Variants in PSMA4 observed in about 807,000 individuals in gnomAD.
The protein encoded by PSMA4 is proteasome subunit alpha type-4.
Under a neutral mutation model 37.2 loss-of-function variants are expected in PSMA4, and 8 were observed. That is an observed-to-expected ratio of 0.22 (90% CI 0.13 to 0.39). The LOEUF (loss-of-function observed/expected upper bound fraction) is 0.39. PSMA4 is among the 10% of genes least tolerant of loss of function. The pLI, the probability that PSMA4 is intolerant of heterozygous loss-of-function variation, is 1.00. For missense variants in PSMA4, 169 were observed against 305.1 expected, an observed-to-expected ratio of 0.55 and a Z score of 3.32; for synonymous variants, 93 against 98.8, an observed-to-expected ratio of 0.94 and a Z score of 0.35.
At chr15:78,545,025 GGTA>G (rs1245410258) in intron 6 of PSMA4, 68 bp downstream of exon 6, 1 of 1,134,148 alleles carries the variant, frequency 8.8e-7, no homozygotes, top group African/African-American at 1.6e-5. Context: ...ACCCTTTTGA[GGTA>G]GTAAAAAATT....
intron 4 of PSMA4, among the ~76,000 whole-genome samples, chr15:78,542,925 G>A (rs907427066): frequency 1.3e-5 from 2 of 152,204 alleles, no homozygotes; most frequent in African/African-American, 4.8e-5. Context: ...CAGGCTATGT[G>A]ACCTTGCACC....
chr15:78,548,976 C>A lies in PSMA4; in HGVS notation c.*32C>A. On this transcript the variant is annotated 3_prime_UTR_variant, in exon 9 of 9. Transcript: ENST00000044462. ...AGATTTTATTACTCATTTGGGGCAC[C>A]ATTTCAGTGTAAAAGCAGTCCTACT... The A allele has an allele frequency of 1.3e-6, 2 of 1,586,822 alleles. No individual in the cohort carries two copies. The highest frequency in any genetic ancestry group is 1.7e-6 in the Non-Finnish European group (2 of 1,169,676).
chr15:78,545,906 G>T (rs1433877770), intron 7 of PSMA4, 142 bp downstream of exon 7: 2 of 935,002 alleles, frequency 2.1e-6, no homozygotes, highest in Non-Finnish European at 3.2e-6. Flanking sequence ...ATTTCTGTTG[G>T]TGACAGCATT....
intron 4 of PSMA4, among the ~76,000 whole-genome samples, chr15:78,543,408 G>A (rs1325457062): frequency 6.6e-6 from 1 of 151,860 alleles, no homozygotes; most frequent in African/African-American, 2.4e-5. Context: ...CAGCCCTCAG[G>A]AAGTGGGCCC....
At position 78,551,313 on chromosome 15, in the gene PSMA4, A is replaced by G. The variant is rs1038743500; in HGVS notation, c.*2369A>G. Reference sequence around the variant, plus strand: ...GTATTCTGGCCTTGTGCTACCTTCCATGTGCTTCCTTCCTCACTCATTCAT... The same window carrying G: ...GTATTCTGGCCTTGTGCTACCTTCCGTGTGCTTCCTTCCTCACTCATTCAT... On this transcript the variant is annotated 3_prime_UTR_variant, in exon 9 of 9. Coordinates refer to ENST00000044462, the MANE Select transcript of PSMA4 (RefSeq NM_002789.6). 1 of 151,956 alleles carries G rather than the reference A, an allele frequency of 6.6e-6. No homozygotes were observed. The highest frequency in any genetic ancestry group is 2.4e-5 in the African/African-American group (1 of 41,340). 9.4% of individuals were successfully genotyped at this position (151,956 alleles called of 1,614,324 possible). A position where few individuals can be genotyped will look rare whatever the true frequency, so the allele number is the denominator to read the frequency against.
intron 2 of PSMA4, 37 bp from the exon 3 acceptor site, chr15:78,542,140 A>G: frequency 6.2e-7 from 1 of 1,602,600 alleles, no homozygotes; most frequent in Non-Finnish European, 8.5e-7. Context: ...GCCTACTTTC[A>G]GTGGGTAGGA....
rs1363511554 is a variant in PSMA4, at chr15:78,549,168, T to C, written c.*224T>C. Reference sequence around the variant, plus strand: ...ATCTTCCACACACATCCCCTTTTTTTGGAATAAAATTTGGAAAATGGAAAT... The same window carrying C: ...ATCTTCCACACACATCCCCTTTTTTCGGAATAAAATTTGGAAAATGGAAAT... On this transcript the variant is annotated 3_prime_UTR_variant, in exon 9 of 9. Coordinates refer to ENST00000044462, the MANE Select transcript of PSMA4 (RefSeq NM_002789.6). 6.9e-6 allele frequency: 4 copies of C among 575,726 alleles called. No individual in the cohort carries two copies. The African/African-American group carries it at 7.8e-5, about 11-fold the overall frequency. The allele number at this position is 575,726 out of a possible 1,614,324, so 35.7% of individuals were successfully genotyped here.
At chr15:78,545,575 A>G in intron 6 of PSMA4, 59 bp from the exon 7 acceptor site, 1 of 1,567,728 alleles carries the variant, frequency 6.4e-7, no homozygotes, top group East Asian at 2.2e-5. Context: ...GAGCTCAAGT[A>G]ACTGTAGTGA....
chr15:78,544,476 T>A, intron 5 of PSMA4: 1 of 496,602 alleles, frequency 2.0e-6, no homozygotes, highest in Non-Finnish European at 3.6e-6. Context: ...AATTTTTGTA[T>A]TTTTAGTAGA....
chr15:78,548,672 A>G, intron 8 of PSMA4, 118 bp from the exon 9 acceptor site: 1 of 1,331,808 alleles, frequency 7.5e-7, no homozygotes, highest in Non-Finnish European at 1.0e-6. Flanking sequence ...AACATAGGAG[A>G]GTGCTGAACT....
chr15:78,542,171 T>C lies in PSMA4; in HGVS notation c.4-6T>C. ...TAGGAATCACTCATGTGTTTTTCCT[T>C]TGCAGTCTCGAAGATATGACTCCAG... is the stretch of plus-strand genomic sequence containing the variant. On this transcript the variant is annotated splice_region_variant and splice_polypyrimidine_tract_variant and intron_variant, in intron 2 of 8. Coordinates refer to ENST00000044462, the MANE Select transcript of PSMA4 (RefSeq NM_002789.6). The C allele has an allele frequency of 6.2e-7, 1 of 1,612,220 alleles. No individual in the cohort carries two copies. Among genetic ancestry groups the C allele is most frequent in the South Asian group, 1.1e-5 (1 of 90,572 alleles).
At chr15:78,542,142 T>C in intron 2 of PSMA4, 35 bp from the exon 3 acceptor site, 5 of 1,604,270 alleles carry the variant, frequency 3.1e-6, no homozygotes, top group Non-Finnish European at 4.3e-6. Context: ...CTACTTTCAG[T>C]GGGTAGGAAT....
At chr15:78,546,096 C>T (rs1479547247) in intron 7 of PSMA4, among the ~76,000 whole-genome samples, 9 of 152,084 alleles carry the variant, frequency 5.9e-5, no homozygotes, top group East Asian at 1.9e-4. Context: ...CTTTATAGAG[C>T]ATTAGTACCC....
intron 8 of PSMA4, among the ~76,000 whole-genome samples, chr15:78,547,280 A>G (rs1251070221): frequency 2.6e-5 from 4 of 152,226 alleles, no homozygotes; most frequent in Non-Finnish European, 1.5e-5. Context: ...TTACTCACAG[A>G]TAGACATCCT....
rs2052492200 is a variant in PSMA4 at position 78,543,472 on chromosome 15, G to A, written c.210-718G>A. On this transcript the variant is annotated intron_variant, in intron 4 of 8. Transcript: ENST00000044462. ...GCCTAGCCCTGTACTTCCTAAGCAG[G>A]CTTGTAAACCCTCCTGCCATTGTCC... Among the ~76,000 whole-genome samples the A allele has an allele frequency of 3.9e-5, 6 of 151,906 alleles. No individual in the cohort carries two copies. The South Asian group carries it at 1.2e-3, about 31-fold the overall frequency.
At position 78,549,859 on chromosome 15, in the gene PSMA4, T is replaced by C. The variant is rs1239701635; in HGVS notation, c.*915T>C. On this transcript the variant is annotated 3_prime_UTR_variant, in exon 9 of 9. Coordinates refer to ENST00000044462, the MANE Select transcript of PSMA4 (RefSeq NM_002789.6). ...CAAGCTCTGTGGTGGAACCCAGATA[T>C]TAACATTGCTTAAACTCTTCAGGTG... 1.3e-5 allele frequency: 2 copies of C among 152,330 alleles called. No individual in the cohort carries two copies. The highest frequency in any genetic ancestry group is 1.9e-4 in the East Asian group (1 of 5,206). 9.4% of individuals were successfully genotyped at this position (152,330 alleles called of 1,614,324 possible).
At chr15:78,544,029 TCTC>T (rs772735550) in intron 4 of PSMA4, 158 bp from the exon 5 acceptor site, 10 of 559,962 alleles carry the variant, frequency 1.8e-5, no homozygotes, top group South Asian at 7.5e-5. Context: ...CGAGTAAACA[TCTC>T]CTACAAAGAT....
chr15:78,544,298 C>G (rs960111841), intron 5 of PSMA4, 31 bp downstream of exon 5: 5 of 1,437,654 alleles, frequency 3.5e-6, no homozygotes, highest in Non-Finnish European at 4.8e-6. Context: ...ACTGATGATA[C>G]AGAAATTAGT....
intron 2 of PSMA4, 41 bp downstream of exon 2, chr15:78,541,971 C>T (rs758286229): frequency 3.2e-6 from 5 of 1,586,040 alleles, no homozygotes; most frequent in African/African-American, 1.4e-5. Flanking sequence ...GCCTGATAAA[C>T]AGTATTGCTT....
Sources: gnomAD v4.1 joint callset for allele counts (sites outside exome capture counted in the v4.1 genomes callset) on GRCh38, gnomAD v4.1.1 for gene constraint, MANE v1.5 for transcripts, NCBI Gene and HGNC (gene_info 2026-07-23, HGNC 2026-07-21) for gene names.